The following TBC1D19 variants were observed in gnomAD, a reference collection of about 807,000 sequenced individuals.
The protein encoded by TBC1D19 is TBC1 domain family, member 19.
In TBC1D19, 60 loss-of-function variants were observed where a neutral mutation model predicts 89.0. The ratio of observed to expected loss-of-function variants is 0.67; its 90% CI spans 0.55 to 0.84. The LOEUF is 0.84. Ranked by LOEUF, TBC1D19 falls within the 40% of genes least tolerant of loss-of-function variation. TBC1D19 has a pLI of 0.00. For synonymous variants in TBC1D19, 189 were observed against 199.7 expected (o/e 0.95, Z 0.45); for missense variants, 500 against 610.8 (o/e 0.82, Z 1.91).
chr4:26,830,861 C>T, the TBC1D19 span, among the ~76,000 whole-genome samples: 3 of 152,180 alleles, frequency 2.0e-5, no homozygotes, highest in African/African-American at 7.2e-5. Flanking sequence ...ACTGAACACG[C>T]TAGCCTCAGA....
At chr4:26,855,005 A>G in the TBC1D19 span, among the ~76,000 whole-genome samples, 1 of 152,188 alleles carries the variant, frequency 6.6e-6, no homozygotes. Flanking sequence ...TTCTTCTCGC[A>G]CTGTTCCAAA....
At chr4:26,610,831 C>A (rs111727109) in intron 1 of TBC1D19, among the ~76,000 whole-genome samples, 5 of 152,136 alleles carry the variant, frequency 3.3e-5, no homozygotes, top group African/African-American at 9.6e-5. Flanking sequence ...ACCACATTTT[C>A]TTTATCCAGT....
chr4:26,577,456 C>T (rs1272706511), intron 1 of TBC1D19, among the ~76,000 whole-genome samples: 3 of 152,172 alleles, frequency 2.0e-5, no homozygotes, highest in African/African-American at 7.2e-5. Context: ...TTGCAAGAAC[C>T]CAGCCAAACA....
At chr4:26,671,553 A>G (rs1712311601) in intron 9 of TBC1D19, among the ~76,000 whole-genome samples, 1 of 151,770 alleles carries the variant, frequency 6.6e-6, no homozygotes, top group Admixed American at 6.6e-5. Context: ...AGTCTAGTTC[A>G]TGAATCTTTT....
chr4:26,789,771 G>GTCT, the TBC1D19 span, among the ~76,000 whole-genome samples: 1 of 152,118 alleles, frequency 6.6e-6, no homozygotes, highest in Non-Finnish European at 1.5e-5. Flanking sequence ...ATGCACCATA[G>GTCT]GAAAGTCATG....
chr4:26,688,538 A>G (rs980678612), intron 13 of TBC1D19, 131 bp downstream of exon 13: 67 of 1,218,164 alleles, frequency 5.5e-5, no homozygotes, highest in Non-Finnish European at 7.0e-5. Flanking sequence ...GAAATGTTCT[A>G]AGTTTGGGAT....
intron 1 of TBC1D19, among the ~76,000 whole-genome samples, chr4:26,595,670 C>T (rs1456578957): frequency 6.6e-6 from 1 of 151,884 alleles, no homozygotes; most frequent in Non-Finnish European, 1.5e-5. Context: ...TCTTCCTCCC[C>T]CCTCCTTTGC....
chr4:26,814,808 G>C, the TBC1D19 span, among the ~76,000 whole-genome samples: 1 of 152,090 alleles, frequency 6.6e-6, no homozygotes. Flanking sequence ...ATCACTTGAG[G>C]CCAGGAGTTC....
chr4:26,636,844 C>T (rs1565304), intron 4 of TBC1D19, among the ~76,000 whole-genome samples: 86,411 of 151,736 alleles, frequency 0.57, 24,788 homozygotes, highest in East Asian at 0.65. Context: ...AATGAGATTC[C>T]TAAGTATTAA....
chr4:26,640,227 A>T, intron 7 of TBC1D19, 40 bp downstream of exon 7: 4 of 1,432,312 alleles, frequency 2.8e-6, no homozygotes, highest in Non-Finnish European at 3.9e-6. Flanking sequence ...TTAATGAATG[A>T]ATAATGTGAA....
chr4:26,611,080 T>C (rs1741353035), intron 1 of TBC1D19, among the ~76,000 whole-genome samples: 1 of 152,130 alleles, frequency 6.6e-6, no homozygotes. Context: ...GTATAAACGT[T>C]CCCTTTTCTC....
the TBC1D19 span, among the ~76,000 whole-genome samples, chr4:26,845,814 T>C: frequency 6.6e-6 from 1 of 152,216 alleles, no homozygotes; most frequent in African/African-American, 2.4e-5. Context: ...TTTCTCCTTA[T>C]AAAACCATCA....
chr4:26,692,983 G>A (rs148116196), intron 13 of TBC1D19, among the ~76,000 whole-genome samples: 12 of 152,202 alleles, frequency 7.9e-5, no homozygotes, highest in Non-Finnish European at 1.6e-4. Flanking sequence ...TAAGTTAGCC[G>A]GGCTTGGTGG....
At chr4:26,828,488 G>C in the TBC1D19 span, among the ~76,000 whole-genome samples, 1 of 152,216 alleles carries the variant, frequency 6.6e-6, no homozygotes, top group Non-Finnish European at 1.5e-5. Flanking sequence ...ATCATCTTTG[G>C]ACTAGCCTGT....
At chr4:26,672,788 C>A (rs1170676100) in intron 10 of TBC1D19, among the ~76,000 whole-genome samples, 1 of 151,882 alleles carries the variant, frequency 6.6e-6, no homozygotes, top group Non-Finnish European at 1.5e-5. Flanking sequence ...TGTACCAAAT[C>A]CCTACTTCAA....
chr4:26,580,987 T>C (rs1024042766), upstream of TBC1D19, among the ~76,000 whole-genome samples: 1 of 152,238 alleles, frequency 6.6e-6, no homozygotes, highest in Non-Finnish European at 1.5e-5. Flanking sequence ...CAGAGCCCTA[T>C]ACATGTTGGC....
the TBC1D19 span, among the ~76,000 whole-genome samples, chr4:26,766,994 T>C: frequency 6.6e-6 from 1 of 152,078 alleles, no homozygotes; most frequent in African/African-American, 2.4e-5. Flanking sequence ...TCTGCCATTT[T>C]TAGGGTTTCA....
chr4:26,651,256 G>A (rs538621353), intron 7 of TBC1D19, among the ~76,000 whole-genome samples: 1 of 152,302 alleles, frequency 6.6e-6, no homozygotes, highest in South Asian at 2.1e-4. Flanking sequence ...TGTGAAGAAA[G>A]TCAGTGGTAG....
At chr4:26,712,823 A>G (rs1034792739) in intron 13 of TBC1D19, among the ~76,000 whole-genome samples, 2 of 152,072 alleles carry the variant, frequency 1.3e-5, no homozygotes, top group African/African-American at 2.4e-5. Context: ...GTCCTGTCCC[A>G]CAGAGATACA....
Sources: gnomAD v4.1 joint callset for allele counts (sites outside exome capture counted in the v4.1 genomes callset) on GRCh38, gnomAD v4.1.1 for gene constraint, MANE v1.5 for transcripts, NCBI Gene and HGNC (gene_info 2026-07-23, HGNC 2026-07-21) for gene names.